TLE1: variants seen among roughly 807,000 people sequenced by gnomAD.
TLE1 encodes the protein transducin-like enhancer protein 1.
Under a neutral mutation model 89.8 loss-of-function variants are expected in TLE1, and 21 were observed. That is an observed-to-expected ratio of 0.23 (90% confidence interval 0.17 to 0.34). The LOEUF is 0.34. Ranked by LOEUF, TLE1 falls within the 10% of genes least tolerant of loss-of-function variation. The pLI is 1.00. For synonymous variants in TLE1, 447 were observed against 407.6 expected (o/e 1.10, Z -1.16); for missense variants, 795 against 1,031.2 (o/e 0.77, Z 3.14).
At chr9:81,608,773 C>T (rs1228503503) in intron 14 of TLE1, among the ~76,000 whole-genome samples, 1 of 151,878 alleles carries the variant, frequency 6.6e-6, no homozygotes, top group Non-Finnish European at 1.5e-5. Flanking sequence ...CCCATCTCTA[C>T]TAAAAATACA....
rs771177201 is a variant in TLE1, at chr9:81,610,335, G to T, written c.1255-39C>A. Reference sequence around the variant, plus strand: ...TAAGGCATTGCAGACTCAGTTTATTGCAGCAGGCACTTTGTGAACATCAAT... The same window carrying T: ...TAAGGCATTGCAGACTCAGTTTATTTCAGCAGGCACTTTGTGAACATCAAT... On this transcript the variant is annotated intron_variant, in intron 13 of 19. Transcript: ENST00000376499. 9 of 1,513,418 alleles carry T rather than the reference G, an allele frequency of 5.9e-6. No homozygotes were observed. In the South Asian group the frequency reaches 9.2e-5, roughly 15 times the overall value. The allele number at this position is 1,513,418 out of a possible 1,614,324, so 93.7% of individuals were successfully genotyped here.
At chr9:81,672,546 T>C (rs1422725848) in intron 4 of TLE1, among the ~76,000 whole-genome samples, 2 of 151,406 alleles carry the variant, frequency 1.3e-5, no homozygotes, top group Admixed American at 1.3e-4. Flanking sequence ...CTCAAGCCCA[T>C]GGAGTAGACG....
At chr9:81,647,725 G>T (rs1444470380) in intron 6 of TLE1, among the ~76,000 whole-genome samples, 1 of 152,162 alleles carries the variant, frequency 6.6e-6, no homozygotes, top group Non-Finnish European at 1.5e-5. Flanking sequence ...CACTGATAGA[G>T]GTTAACTGAC....
At chr9:81,668,000 T>C (rs910893004) in intron 4 of TLE1, among the ~76,000 whole-genome samples, 3 of 151,714 alleles carry the variant, frequency 2.0e-5, no homozygotes, top group African/African-American at 4.8e-5. Context: ...CCTGTCTCTA[T>C]TAAAATTACA....
chr9:81,608,535 T>C (rs1823270992), intron 14 of TLE1, among the ~76,000 whole-genome samples: 1 of 152,052 alleles, frequency 6.6e-6, no homozygotes, highest in Admixed American at 6.6e-5. Context: ...AACTCACTAA[T>C]GTGACATGCA....
Position 81,634,267 on chromosome 9 carries a change from C to G in TLE1, c.407G>C (p.Gly136Ala). The change falls in exon 7 of 20, where the codon GGC becomes GCC. Residue 136 changes from glycine (G) to alanine (A), a missense_variant. Physicochemically the swap from Gly to Ala is moderately conservative, Grantham distance 60 (BLOSUM62 0). Coordinates refer to ENST00000376499, the MANE Select transcript of TLE1 (RefSeq NM_005077.5). The stretch of plus-strand genomic sequence containing the variant: ...CGTAAGGGGAACTGGGGGTCCGTGG[C>G]CATGAGAAAGATGCTGAGCTTGCAA... ...QQLQAQHLSH[G>A]HGPPVPLTPH... The G allele has an allele frequency of 6.4e-7, 1 of 1,551,188 alleles. No homozygotes were observed. Among genetic ancestry groups the G allele is most frequent in the South Asian group, 1.2e-5 (1 of 82,952 alleles).
In TLE1 at chr9:81,675,698, G is replaced by GTTTTTTTTTTTTTTT. The variant is rs35060460; in HGVS notation, c.234+9977_234+9978insAAAAAAAAAAAAAAA. On this transcript the variant is annotated intron_variant, in intron 4 of 19. Transcript: ENST00000376499. ...AATTTTAGCATAAGGACTCACACTA[G>GTTTTTTTTTTTTTTT]TTTTTTTTTGTTTTTTTTTTTGAGA... Among the ~76,000 whole-genome samples the GTTTTTTTTTTTTTTT allele has an allele frequency of 5.3e-3, 682 of 129,480 alleles. 78 individuals are homozygous for GTTTTTTTTTTTTTTT. The highest frequency in any genetic ancestry group is 7.2e-3 in the Non-Finnish European group (460 of 63,760). 84.9% of individuals were successfully genotyped at this position (129,480 alleles called of 152,430 possible). A position where few individuals can be genotyped will look rare whatever the true frequency, so the allele number is the denominator to read the frequency against.
At chr9:81,626,233 G>A (rs933532360) in intron 8 of TLE1, among the ~76,000 whole-genome samples, 1 of 152,000 alleles carries the variant, frequency 6.6e-6, no homozygotes, top group African/African-American at 2.4e-5. Context: ...TTGGAAACTC[G>A]TGACACCTCA....
At chr9:81,630,531 T>C (rs1404729594) in intron 8 of TLE1, among the ~76,000 whole-genome samples, 1 of 152,220 alleles carries the variant, frequency 6.6e-6, no homozygotes, top group African/African-American at 2.4e-5. Context: ...AATATTAACC[T>C]AGTAAATATC....
chr9:81,670,084 G>A (rs1218277232), intron 4 of TLE1, among the ~76,000 whole-genome samples: 2 of 152,154 alleles, frequency 1.3e-5, no homozygotes, highest in East Asian at 3.9e-4. Flanking sequence ...AATCATTTGG[G>A]TAATTGGATA....
chr9:81,594,231 T>C (rs1829920977), intron 14 of TLE1, among the ~76,000 whole-genome samples: 1 of 152,134 alleles, frequency 6.6e-6, no homozygotes, highest in Non-Finnish European at 1.5e-5. Context: ...CACAAGTTGA[T>C]TTCAAAGACA....
chr9:81,673,246 C>G (rs961917879), intron 4 of TLE1, among the ~76,000 whole-genome samples: 1 of 136,704 alleles, frequency 7.3e-6, no homozygotes, highest in Non-Finnish European at 1.5e-5. Flanking sequence ...GCACTCCAGC[C>G]TGGGGGACAA....
intron 4 of TLE1, among the ~76,000 whole-genome samples, chr9:81,681,658 TCCC>T (rs1421456787): frequency 6.6e-6 from 1 of 152,030 alleles, no homozygotes; most frequent in Non-Finnish European, 1.5e-5. Flanking sequence ...TCAAACTCCC[TCCC>T]CATCACTGGG....
At chr9:81,676,259 A>C (rs988160881) in intron 4 of TLE1, among the ~76,000 whole-genome samples, 1 of 152,196 alleles carries the variant, frequency 6.6e-6, no homozygotes, top group Non-Finnish European at 1.5e-5. Context: ...TGGATAACTC[A>C]TCGGGAAGGG....
intron 5 of TLE1, among the ~76,000 whole-genome samples, chr9:81,653,351 A>G (rs1201959682): frequency 6.6e-6 from 1 of 152,224 alleles, no homozygotes; most frequent in Non-Finnish European, 1.5e-5. Flanking sequence ...GAAGGAAGGT[A>G]AACTTTTCAA....
At chr9:81,660,341 CAA>C (rs36108203) in intron 4 of TLE1, among the ~76,000 whole-genome samples, 2 of 114,696 alleles carry the variant, frequency 1.7e-5, no homozygotes, top group Admixed American at 8.8e-5. Context: ...AGGCTGTTCA[CAA>C]AAAAAAAAAA....
intron 8 of TLE1, among the ~76,000 whole-genome samples, chr9:81,621,835 G>A (rs1482915927): frequency 6.6e-6 from 1 of 152,144 alleles, no homozygotes; most frequent in Non-Finnish European, 1.5e-5. Flanking sequence ...GCAATCCCAA[G>A]CCTCTTGGCC....
rs763914038 is a variant in TLE1, at chr9:81,587,649, G to A, written c.1977+32C>T. On this transcript the variant is annotated intron_variant, in intron 17 of 19. Transcript: ENST00000376499. ...GAAGACACACCCCAGCCACCTCCCA[G>A]ACTCCAGGGCAGGCGGAAGCCACTC... 3.8e-6 allele frequency: 6 copies of A among 1,583,568 alleles called. No homozygotes were observed. The East Asian group carries it at 1.3e-4, about 36-fold the overall frequency.
intron 17 of TLE1, among the ~76,000 whole-genome samples, chr9:81,586,990 G>A (rs1035021794): frequency 6.6e-6 from 1 of 152,142 alleles, no homozygotes; most frequent in African/African-American, 2.4e-5. Context: ...AGTCATGATC[G>A]AAAGAACAAT....
Sources: gnomAD v4.1 joint callset for allele counts (sites outside exome capture counted in the v4.1 genomes callset) on GRCh38, gnomAD v4.1.1 for gene constraint, MANE v1.5 for transcripts, NCBI Gene and HGNC (gene_info 2026-07-23, HGNC 2026-07-21) for gene names.